Variants in EMILIN2 observed in about 807,000 individuals in gnomAD.
EMILIN2 encodes elastin microfibril interfacer 2.
In EMILIN2, 71 loss-of-function variants were observed where a neutral mutation model predicts 87.1. The ratio of observed to expected loss-of-function variants is 0.82; its 90% CI spans 0.67 to 0.99. The LOEUF (loss-of-function observed/expected upper bound fraction) is 0.99. Among genes scored for constraint, EMILIN2 ranks in the 50% least tolerant of loss-of-function variants. EMILIN2 has a pLI of 0.00. For missense variants in EMILIN2, 1,407 were observed against 1,371.8 expected, an observed-to-expected ratio of 1.03 and a Z score of -0.40; for synonymous variants, 581 against 563.4, an observed-to-expected ratio of 1.03 and a Z score of -0.44.
intron 2 of EMILIN2, among the ~76,000 whole-genome samples, chr18:2,856,552 A>C (rs1048512725): frequency 6.6e-6 from 1 of 152,190 alleles, no homozygotes; most frequent in African/African-American, 2.4e-5. Context: ...TGTTGTTACT[A>C]ACATGTGCTG....
At chr18:2,858,563 A>ATG (rs1805083584) in intron 2 of EMILIN2, among the ~76,000 whole-genome samples, 3 of 68,734 alleles carry the variant, frequency 4.4e-5, no homozygotes, top group South Asian at 5.5e-4. Context: ...ATATATATAT[A>ATG]TATATATGTG....
In EMILIN2 at chr18:2,915,364, GCTGT is replaced by G. The variant is rs1474975244; in HGVS notation, c.*1963_*1966del. ...AGGAGACATCTTTAGAAAGGGAAAG[GCTGT>G]CTTTTTGTACAGGTAGTAGAACAAC... On this transcript the variant is annotated 3_prime_UTR_variant, in exon 8 of 8. Transcript: ENST00000254528. 6.6e-6 allele frequency: 1 copy of G among 152,228 alleles called. No homozygotes were observed. The highest frequency in any genetic ancestry group is 2.4e-5 in the African/African-American group (1 of 41,444). 9.4% of individuals were successfully genotyped at this position (152,228 alleles called of 1,614,324 possible). A position where few individuals can be genotyped will look rare whatever the true frequency, so the allele number is the denominator to read the frequency against.
chr18:2,905,222 TG>T (rs1424243465), intron 4 of EMILIN2, among the ~76,000 whole-genome samples: 2 of 134,814 alleles, frequency 1.5e-5, no homozygotes, highest in African/African-American at 5.6e-5. Flanking sequence ...GCTTCTCTCA[TG>T]GAACATTGGT....
intron 2 of EMILIN2, among the ~76,000 whole-genome samples, chr18:2,872,418 C>T (rs1053912221): frequency 2.6e-5 from 4 of 152,070 alleles, no homozygotes; most frequent in African/African-American, 9.7e-5. Flanking sequence ...TATGGGGTCC[C>T]ACCATGTTGC....
At chr18:2,895,695 A>G (rs1274290285) in intron 4 of EMILIN2, among the ~76,000 whole-genome samples, 5 of 152,208 alleles carry the variant, frequency 3.3e-5, no homozygotes, top group African/African-American at 1.2e-4. Flanking sequence ...GGCGGTGTCA[A>G]GTAGTCAGAC....
chr18:2,908,351 C>T (rs982811555), intron 5 of EMILIN2, among the ~76,000 whole-genome samples: 1 of 152,194 alleles, frequency 6.6e-6, no homozygotes, highest in South Asian at 2.1e-4. Flanking sequence ...TCCATCCACC[C>T]ACATATGCAT....
intron 2 of EMILIN2, among the ~76,000 whole-genome samples, chr18:2,869,271 T>C (rs532994335): frequency 6.9e-5 from 8 of 115,920 alleles, no homozygotes; most frequent in African/African-American, 2.9e-4. Flanking sequence ...AATGCAGAAA[T>C]TACATAGTTA....
rs754692434 is a variant in EMILIN2, at chr18:2,891,213, C to G, written c.1086C>G (p.Tyr362Ter). The G allele has an allele frequency of 1.2e-6, 2 of 1,614,060 alleles. No individual in the cohort carries two copies. Among genetic ancestry groups the G allele is most frequent in the Non-Finnish European group, 1.7e-6 (2 of 1,180,042 alleles). ...AGTGTGATGACTATGGGAGCAGCTACCTGGGAGTGATAGAGCTCATAGGGG... is the reference window on the plus strand; with the variant it reads ...AGTGTGATGACTATGGGAGCAGCTAGCTGGGAGTGATAGAGCTCATAGGGG... Reference protein sequence around the residue: ...QQQCDDYGSSYLGVIELIGEK... With the variant: ...QQQCDDYGSS Residue 362 changes from tyrosine to a stop codon, truncating the protein, a stop_gained, in exon 4 of 8, where the codon TAC (tyrosine) becomes TAG (stop). Coordinates refer to ENST00000254528, the MANE Select transcript of EMILIN2 (RefSeq NM_032048.3). LOFTEE classifies it high-confidence loss of function. The surrounding 1 kb of genome is among the most constrained non-coding windows in gnomAD (Gnocchi z 4.6).
chr18:2,902,543 A>G (rs553069237), intron 4 of EMILIN2, among the ~76,000 whole-genome samples: 1 of 152,214 alleles, frequency 6.6e-6, no homozygotes, highest in East Asian at 1.9e-4. Context: ...GGAAGAGGCC[A>G]TTTCAGGGGT....
In EMILIN2 at chr18:2,906,952, G is replaced by C. The variant is rs573074521; in HGVS notation, c.2529G>C (p.Gly843=). 1.4e-6 allele frequency: 2 copies of C among 1,405,780 alleles called. No homozygotes were observed. Among genetic ancestry groups the C allele is most frequent in the African/African-American group, 1.5e-5 (1 of 66,982 alleles). The allele number at this position is 1,405,780 out of a possible 1,614,324, so 87.1% of individuals were successfully genotyped here. Residue 843 remains glycine, a synonymous_variant, in exon 5 of 8, where the codon GGG becomes GGC. Transcript: ENST00000254528. ...CGCCCCAGCCGCCAGGCTCCACCGG[G>C]GTCATCGCGGAGACGGGCCAGGCCG... ...ERPPQPPGST[G]VIAETGQAGP...
At chr18:2,896,723 G>A (rs2076865617) in intron 4 of EMILIN2, among the ~76,000 whole-genome samples, 1 of 152,022 alleles carries the variant, frequency 6.6e-6, no homozygotes, top group East Asian at 1.9e-4. Context: ...TTGGACTCCA[G>A]TGATTCGCCT....
intron 5 of EMILIN2, 38 bp downstream of exon 5, chr18:2,907,123 C>T: frequency 4.1e-6 from 5 of 1,229,882 alleles, no homozygotes; most frequent in Non-Finnish European, 5.1e-6. Flanking sequence ...GCGCGGGGCT[C>T]TCCCGGAACT....
intron 4 of EMILIN2, among the ~76,000 whole-genome samples, chr18:2,904,012 G>C (rs1471703232): frequency 1.3e-5 from 2 of 152,196 alleles, no homozygotes; most frequent in Admixed American, 6.5e-5. Context: ...GGGTGCGTGA[G>C]AGATGGCATT....
intron 4 of EMILIN2, among the ~76,000 whole-genome samples, chr18:2,899,358 C>T (rs2076878138): frequency 6.6e-6 from 1 of 152,106 alleles, no homozygotes; most frequent in African/African-American, 2.4e-5. Flanking sequence ...TGTGTGAGCC[C>T]ACTTACGGAC....
At chr18:2,868,665 GC>G (rs2076702732) in intron 2 of EMILIN2, among the ~76,000 whole-genome samples, 1 of 152,250 alleles carries the variant, frequency 6.6e-6, no homozygotes, top group Admixed American at 6.5e-5. Flanking sequence ...GCGTGGGGGC[GC>G]GCGCCTGCAA....
rs1417689231 is a variant in EMILIN2 at position 2,914,903 on chromosome 18, C to CA, written c.*1501dup. 4.6e-5 allele frequency: 7 copies of CA among 152,244 alleles called. No individual in the cohort carries two copies. The highest frequency in any genetic ancestry group is 1.7e-4 in the African/African-American group (7 of 41,458). 9.4% of individuals were successfully genotyped at this position (152,244 alleles called of 1,614,324 possible). On this transcript the variant is annotated 3_prime_UTR_variant, in exon 8 of 8. Coordinates refer to ENST00000254528, the MANE Select transcript of EMILIN2 (RefSeq NM_032048.3). The stretch of plus-strand genomic sequence containing the variant: ...GGGAGAATGGCATCTCACCCCATTA[C>CA]AACAGCTGGGGAACTGGCTAAAGAG...
At chr18:2,877,566 T>C (rs1159549328) in intron 2 of EMILIN2, among the ~76,000 whole-genome samples, 1 of 150,914 alleles carries the variant, frequency 6.6e-6, no homozygotes, top group Non-Finnish European at 1.5e-5. Context: ...CCACCTGAGG[T>C]CAGTAGTTGA....
intron 2 of EMILIN2, among the ~76,000 whole-genome samples, chr18:2,869,587 G>C (rs972547493): frequency 3.3e-5 from 5 of 151,934 alleles, no homozygotes; most frequent in Admixed American, 2.0e-4. Context: ...TCATGTTGTA[G>C]TATGTATCAG....
In EMILIN2 at chr18:2,847,120, C is replaced by T; in HGVS notation, c.-69C>T. ...GGGCGGCGCCCTGGCCGCCGGCAGC[C>T]TTGTGGCCGGTGCCCCGATCCGCCG... On this transcript the variant is annotated 5_prime_UTR_variant, in exon 1 of 8. Transcript: ENST00000254528. This position sits in a 1 kb window ranked among gnomAD's most constrained non-coding sequence, Gnocchi z 4.5. The T allele has an allele frequency of 2.8e-6, 3 of 1,073,340 alleles. No homozygotes were observed. The highest frequency in any genetic ancestry group is 3.4e-6 in the Non-Finnish European group (3 of 884,504). The allele number at this position is 1,073,340 out of a possible 1,614,324, so 66.5% of individuals were successfully genotyped here.
Sources: allele counts gnomAD v4.1 joint callset (sites outside exome capture counted in the v4.1 genomes callset), GRCh38; gene constraint gnomAD v4.1.1; non-coding constraint Gnocchi (gnomAD v3.1); transcripts MANE v1.5; gene names NCBI Gene and HGNC (gene_info 2026-07-23, HGNC 2026-07-21).